NBEA: variants seen among roughly 807,000 people sequenced by gnomAD.
The protein encoded by NBEA is lysosomal-trafficking regulator 2.
NBEA carries 44 observed loss-of-function variants against 343.4 expected under a neutral mutation model. The ratio of observed to expected loss-of-function variants is 0.13; its 90% CI spans 0.10 to 0.16. NBEA has a LOEUF of 0.16. NBEA is among the 10% of genes least tolerant of loss of function. The probability of loss-of-function intolerance (pLI) is 1.00; values close to 1 mark genes in which losing one functional copy is unlikely to be tolerated. For synonymous variants in NBEA, 1,175 were observed against 1,238.7 expected (o/e 0.95, Z 1.08); for missense variants, 2,555 against 3,631.3 (o/e 0.70, Z 7.62).
In NBEA at chr13:35,176,893, G is replaced by A. The variant is rs1431269465; in HGVS notation, c.4555-103G>A. 4 of 686,586 alleles carry A rather than the reference G, an allele frequency of 5.8e-6. No individual in the cohort carries two copies. The African/African-American group carries it at 7.2e-5, about 12-fold the overall frequency. 42.5% of individuals were successfully genotyped at this position (686,586 alleles called of 1,614,324 possible). A position where few individuals can be genotyped will look rare whatever the true frequency, so the allele number is the denominator to read the frequency against. ...GATCAATAAATGTTAACTCAGAGAG[G>A]TGGAGATACATGATGTGACCAGTTT... On this transcript the variant is annotated intron_variant, in intron 27 of 58. Transcript: ENST00000379939.
At chr13:35,321,979 G>T (rs1294802367) in intron 36 of NBEA, among the ~76,000 whole-genome samples, 1 of 152,194 alleles carries the variant, frequency 6.6e-6, no homozygotes, top group Non-Finnish European at 1.5e-5. Context: ...GTTGACTTCA[G>T]ACTGCTGTGC....
At chr13:35,102,863 T>A (rs2065717270) in intron 11 of NBEA, among the ~76,000 whole-genome samples, 1 of 151,722 alleles carries the variant, frequency 6.6e-6, no homozygotes, top group Admixed American at 6.6e-5. Context: ...ATTTTAGGGT[T>A]TTTTTCCTTG....
intron 35 of NBEA, among the ~76,000 whole-genome samples, chr13:35,302,988 A>G (rs1457320897): frequency 6.6e-6 from 1 of 152,160 alleles, no homozygotes; most frequent in African/African-American, 2.4e-5. Context: ...TGGTATTTCA[A>G]TTTAAAGTTG....
intron 41 of NBEA, chr13:35,476,315 C>CTGCTGCTGCTGT: frequency 1.1e-6 from 1 of 924,158 alleles, no homozygotes; most frequent in South Asian, 1.8e-5. Flanking sequence ...GCTGCTGCTG[C>CTGCTGCTGCTGT]TGCTGCTGCT....
intron 10 of NBEA, among the ~76,000 whole-genome samples, chr13:35,094,278 A>G (rs2065225476): frequency 6.6e-6 from 1 of 152,050 alleles, no homozygotes; most frequent in South Asian, 2.1e-4. Flanking sequence ...ATCAGGATGA[A>G]GAAAAAGGTA....
chr13:35,210,659 A>G (rs1296225000), intron 32 of NBEA, among the ~76,000 whole-genome samples: 1 of 152,172 alleles, frequency 6.6e-6, no homozygotes, highest in Non-Finnish European at 1.5e-5. Flanking sequence ...TTACGCTCAG[A>G]TAGTTCACTC....
rs771013902 is a variant in NBEA, at chr13:35,529,407, C to T, written c.6586-21070C>T. Reference sequence around the variant, plus strand: ...CACTATGCACTTGTGTACACTTATACACATGGAGCATTGTGTTTGGCTCTT... The same window carrying T: ...CACTATGCACTTGTGTACACTTATATACATGGAGCATTGTGTTTGGCTCTT... On this transcript the variant is annotated intron_variant, in intron 41 of 58. Transcript: ENST00000379939. Among the ~76,000 whole-genome samples, 86 of 152,288 alleles carry T rather than the reference C, an allele frequency of 5.6e-4. 1 individual carries two copies. Among genetic ancestry groups the T allele is most frequent in the Non-Finnish European group, 1.2e-3 (79 of 68,020 alleles).
Position 34,990,607 on chromosome 13 carries a change from TTTGA to T in NBEA, c.294+47497_294+47500del, listed in dbSNP as rs768665557. 1.7e-3 allele frequency among the ~76,000 whole-genome samples: 263 copies of T among 151,080 alleles called. 26 individuals are homozygous for T. The highest frequency in any genetic ancestry group is 3.3e-3 in the Non-Finnish European group (222 of 67,460). The stretch of plus-strand genomic sequence containing the variant: ...CATTCTTCCCTTAGGCCTCTGGGCC[TTTGA>T]TTGGAGGGGCTGCGGGAAAGCCTTC... On this transcript the variant is annotated intron_variant, in intron 1 of 58. Transcript: ENST00000379939.
chr13:34,973,502 T>C (rs2152500797), intron 1 of NBEA, among the ~76,000 whole-genome samples: 1 of 151,974 alleles, frequency 6.6e-6, no homozygotes, highest in Middle Eastern at 3.4e-3. Flanking sequence ...CGCCAGGGTG[T>C]CTGGAGGTCC....
chr13:35,026,809 C>G (rs1371741753), intron 1 of NBEA, among the ~76,000 whole-genome samples: 1 of 152,054 alleles, frequency 6.6e-6, no homozygotes, highest in Non-Finnish European at 1.5e-5. Flanking sequence ...ATATCTGCTA[C>G]TTTGGTGGTT....
intron 1 of NBEA, among the ~76,000 whole-genome samples, chr13:34,951,605 C>G (rs577289214): frequency 7.9e-5 from 12 of 152,308 alleles, no homozygotes; most frequent in Non-Finnish European, 1.5e-4. Flanking sequence ...CACAGGACAT[C>G]TGTTGTCTTG....
chr13:35,091,026 T>C (rs1334232622), intron 10 of NBEA, among the ~76,000 whole-genome samples: 1 of 151,972 alleles, frequency 6.6e-6, no homozygotes, highest in African/African-American at 2.4e-5. Context: ...AGAAATCCTC[T>C]AGTTCTGAGT....
At chr13:35,213,414 C>A (rs183657189) in intron 33 of NBEA, among the ~76,000 whole-genome samples, 4 of 151,038 alleles carry the variant, frequency 2.6e-5, no homozygotes, top group African/African-American at 9.6e-5. Flanking sequence ...TCAAGAAAGT[C>A]TGAGGTATTC....
At chr13:35,396,080 A>T (rs1391880622) in intron 38 of NBEA, among the ~76,000 whole-genome samples, 1 of 151,928 alleles carries the variant, frequency 6.6e-6, no homozygotes, top group Non-Finnish European at 1.5e-5. Flanking sequence ...TTCTTTTTTG[A>T]GACAGGGTCT....
At chr13:35,245,197 A>G (rs1004201541) in intron 34 of NBEA, among the ~76,000 whole-genome samples, 6 of 152,114 alleles carry the variant, frequency 3.9e-5, no homozygotes, top group African/African-American at 1.4e-4. Flanking sequence ...CTTATGTGTC[A>G]GGTGAGTCTT....
At chr13:35,588,699 A>G (rs1326576188) in intron 46 of NBEA, among the ~76,000 whole-genome samples, 1 of 152,172 alleles carries the variant, frequency 6.6e-6, no homozygotes, top group Non-Finnish European at 1.5e-5. Context: ...TTCAGATATT[A>G]ATATTAAAAG....
In NBEA at chr13:35,159,143, C is replaced by G; in HGVS notation, c.2972C>G (p.Thr991Arg). The change falls in exon 22 of 59, where the codon ACA becomes AGA. Residue 991 changes from threonine to arginine, a missense_variant. Physicochemically the swap from Thr to Arg is moderately conservative, Grantham distance 71 (BLOSUM62 -1). Transcript: ENST00000379939. ...ACCATCTCTGGTCTTTCATCACAGA[C>G]AACAGGAGCAAAAGGTGGAATGGAA... ...VSTISGLSSQ[T>R]TGAKGGMEIR... 6.2e-7 allele frequency: 1 copy of G among 1,613,512 alleles called. No homozygotes were observed. The highest frequency in any genetic ancestry group is 8.5e-7 in the Non-Finnish European group (1 of 1,179,628).
At chr13:35,495,947 G>A (rs2076660619) in intron 41 of NBEA, among the ~76,000 whole-genome samples, 2 of 151,938 alleles carry the variant, frequency 1.3e-5, no homozygotes, top group Non-Finnish European at 2.9e-5. Flanking sequence ...CAACTAAGGA[G>A]TCTAATTTGG....
chr13:35,320,501 G>C lies in NBEA; in HGVS notation c.5903+10909G>C, dbSNP rs1268783967. 2.6e-5 allele frequency among the ~76,000 whole-genome samples: 4 copies of C among 152,308 alleles called. No individual in the cohort carries two copies. The South Asian group carries it at 8.3e-4, about 32-fold the overall frequency. On this transcript the variant is annotated intron_variant, in intron 36 of 58. Coordinates refer to ENST00000379939, the MANE Select transcript of NBEA (RefSeq NM_001385012.1). Reference sequence around the variant, plus strand: ...GATGGGGTTCCCCTTGGGGTAACCTGACCTTTCTCCCTGGCTGCCCTTAAC... The same window carrying C: ...GATGGGGTTCCCCTTGGGGTAACCTCACCTTTCTCCCTGGCTGCCCTTAAC...
Sources: allele counts gnomAD v4.1 joint callset (sites outside exome capture counted in the v4.1 genomes callset), GRCh38; gene constraint gnomAD v4.1.1; transcripts MANE v1.5; gene names NCBI Gene and HGNC (gene_info 2026-07-23, HGNC 2026-07-21).